The following RALYL variants were observed in gnomAD, a reference collection of about 807,000 sequenced individuals.
RALYL encodes the protein RNA-binding Raly-like protein.
In RALYL, 29 loss-of-function variants were observed where a neutral mutation model predicts 35.1. The ratio of observed to expected loss-of-function variants is 0.83; its 90% CI spans 0.61 to 1.13. The LOEUF is 1.13. Among genes scored for constraint, RALYL ranks in the 50% most tolerant of loss-of-function variants. The pLI, the probability that RALYL is intolerant of heterozygous loss-of-function variation, is 0.00. For synonymous variants in RALYL, 120 were observed against 127.6 expected (o/e 0.94, Z 0.40); for missense variants, 359 against 360.4 (o/e 1.00, Z 0.03).
chr8:84,593,927 T>G (rs1368680640), intron 2 of RALYL, among the ~76,000 whole-genome samples: 1 of 152,118 alleles, frequency 6.6e-6, no homozygotes. Context: ...CACTTGTTTA[T>G]GATCATCTTC....
At chr8:84,328,806 T>C (rs113264436) in intron 1 of RALYL, among the ~76,000 whole-genome samples, 4,133 of 152,248 alleles carry the variant, frequency 0.027, 102 homozygotes, top group Non-Finnish European at 0.031. Context: ...ATCAACTTTA[T>C]GTCCATGAAT....
At chr8:84,585,586 C>T (rs1811811849) in intron 2 of RALYL, among the ~76,000 whole-genome samples, 1 of 152,010 alleles carries the variant, frequency 6.6e-6, no homozygotes, top group African/African-American at 2.4e-5. Flanking sequence ...GTAGAAAATG[C>T]TTCCTCAGTG....
chr8:84,660,281 C>T (rs1830664409), intron 2 of RALYL, among the ~76,000 whole-genome samples: 2 of 151,908 alleles, frequency 1.3e-5, no homozygotes, highest in Non-Finnish European at 2.9e-5. Context: ...TTTTATTTCT[C>T]TTTTTGTGTC....
At chr8:84,811,081 T>TTTAAC (rs1218422279) in intron 4 of RALYL, among the ~76,000 whole-genome samples, 1 of 152,148 alleles carries the variant, frequency 6.6e-6, no homozygotes, top group African/African-American at 2.4e-5. Context: ...TTTTTTTCTT[T>TTTAAC]TTAACTTATA....
intron 1 of RALYL, among the ~76,000 whole-genome samples, chr8:84,285,564 G>A (rs1837432241): frequency 6.6e-6 from 1 of 151,976 alleles, no homozygotes. Flanking sequence ...GTGGAGCGGG[G>A]GCATTATCGT....
chr8:84,341,997 T>A (rs1026881195), intron 1 of RALYL, among the ~76,000 whole-genome samples: 3 of 151,678 alleles, frequency 2.0e-5, no homozygotes, highest in African/African-American at 7.3e-5. Flanking sequence ...TAGCCCATAG[T>A]AAAGATTAGA....
At chr8:84,192,833 G>C (rs536391406) in intron 1 of RALYL, among the ~76,000 whole-genome samples, 1 of 148,002 alleles carries the variant, frequency 6.8e-6, no homozygotes, top group East Asian at 2.0e-4. Flanking sequence ...TGGAATCACC[G>C]TGCCCAGCCC....
intron 8 of RALYL, among the ~76,000 whole-genome samples, chr8:84,909,138 G>A (rs1847071273): frequency 6.6e-6 from 1 of 152,042 alleles, no homozygotes; most frequent in Non-Finnish European, 1.5e-5. Flanking sequence ...CATCAAAATA[G>A]GATATTGCCT....
intron 6 of RALYL, among the ~76,000 whole-genome samples, chr8:84,862,866 G>A (rs1313560836): frequency 6.6e-6 from 1 of 152,162 alleles, no homozygotes; most frequent in Non-Finnish European, 1.5e-5. Context: ...GAGCAATTAA[G>A]AGAGGCAAAC....
intron 8 of RALYL, among the ~76,000 whole-genome samples, chr8:84,895,635 C>A (rs1844624648): frequency 6.6e-6 from 1 of 152,136 alleles, no homozygotes; most frequent in African/African-American, 2.4e-5. Context: ...GCCTCAGCCT[C>A]CCGAGTAGCT....
intron 2 of RALYL, among the ~76,000 whole-genome samples, chr8:84,713,203 A>G (rs1422185457): frequency 6.6e-6 from 1 of 151,982 alleles, no homozygotes; most frequent in African/African-American, 2.4e-5. Context: ...CCATTTATTG[A>G]AGAGACTATA....
rs374493546 is a variant in RALYL at position 84,864,754 on chromosome 8, G to A, written c.571+2301G>A. 1.9e-4 allele frequency: 114 copies of A among 598,908 alleles called. 2 individuals carry two copies. Among genetic ancestry groups the A allele is most frequent in the African/African-American group, 9.2e-4 (50 of 54,170 alleles). 37.1% of individuals were successfully genotyped at this position (598,908 alleles called of 1,614,324 possible). A position where few individuals can be genotyped will look rare whatever the true frequency, so the allele number is the denominator to read the frequency against. ...GGAGCTTGGCAGGCCTGGTTTACAT[G>A]GTAGAAAACAGGGGCCCCTGGGCCT... On this transcript the variant is annotated intron_variant, in intron 6 of 8. Transcript: ENST00000521268.
chr8:84,211,591 G>A (rs1203290488), intron 1 of RALYL, among the ~76,000 whole-genome samples: 1 of 152,094 alleles, frequency 6.6e-6, no homozygotes, highest in Non-Finnish European at 1.5e-5. Flanking sequence ...GAAGCTCTCT[G>A]TTCTATGTTT....
chr8:84,343,884 G>A (rs1849322702), intron 1 of RALYL, among the ~76,000 whole-genome samples: 2 of 87,982 alleles, frequency 2.3e-5, no homozygotes, highest in African/African-American at 1.2e-4. Flanking sequence ...TTGTTTGTTT[G>A]TTTGTTTTTT....
At chr8:84,359,522 A>G (rs1257498451) in intron 1 of RALYL, among the ~76,000 whole-genome samples, 1 of 152,096 alleles carries the variant, frequency 6.6e-6, no homozygotes, top group African/African-American at 2.4e-5. Context: ...CTTTTAAAAA[A>G]GAAGTATTTT....
intron 2 of RALYL, among the ~76,000 whole-genome samples, chr8:84,730,740 T>C (rs1228450254): frequency 6.6e-6 from 1 of 152,032 alleles, no homozygotes; most frequent in Non-Finnish European, 1.5e-5. Flanking sequence ...ACAAAACTCG[T>C]AATTTGGGGA....
chr8:84,240,492 C>T (rs1339093116), intron 1 of RALYL, among the ~76,000 whole-genome samples: 1 of 152,168 alleles, frequency 6.6e-6, no homozygotes, highest in Non-Finnish European at 1.5e-5. Flanking sequence ...CTTCAAATAA[C>T]ATGCATTCTT....
intron 1 of RALYL, among the ~76,000 whole-genome samples, chr8:84,275,115 A>G (rs554625051): frequency 2.0e-5 from 3 of 152,180 alleles, no homozygotes; most frequent in Admixed American, 6.5e-5. Flanking sequence ...AGCTTAATAT[A>G]TTTTCCTTAT....
At chr8:84,784,092 CTT>C (rs1317062668) in intron 3 of RALYL, among the ~76,000 whole-genome samples, 8 of 152,174 alleles carry the variant, frequency 5.3e-5, no homozygotes, top group Non-Finnish European at 8.8e-5. Flanking sequence ...GAAAGTTCCT[CTT>C]TTTTCACGCA....
Sources: allele counts gnomAD v4.1 joint callset (sites outside exome capture counted in the v4.1 genomes callset), GRCh38; gene constraint gnomAD v4.1.1; transcripts MANE v1.5; gene names NCBI Gene and HGNC (gene_info 2026-07-23, HGNC 2026-07-21).